VPS13B: variants seen among roughly 807,000 people sequenced by gnomAD.
VPS13B encodes the protein intermembrane lipid transfer protein VPS13B.
Under a neutral mutation model 426.4 loss-of-function variants are expected in VPS13B, and 285 were observed. The observed-to-expected ratio is 0.67, with a 90% CI of 0.61 to 0.74. The LOEUF (loss-of-function observed/expected upper bound fraction) is 0.74. Ranked by LOEUF, VPS13B falls within the 30% of genes least tolerant of loss-of-function variation. The pLI is 0.00. For missense variants in VPS13B, 4,537 were observed against 4,782.6 expected (o/e 0.95, Z 1.51); for synonymous variants, 1,676 against 1,676.4 (o/e 1.00, Z 0.01).
intron 3 of VPS13B, among the ~76,000 whole-genome samples, chr8:99,054,126 A>G (rs544316513): frequency 1.4e-4 from 22 of 152,384 alleles, no homozygotes; most frequent in Middle Eastern, 3.4e-3. Flanking sequence ...GTATAATGCT[A>G]CAATGAACAT....
intron 33 of VPS13B, among the ~76,000 whole-genome samples, chr8:99,586,910 G>A (rs1177409799): frequency 6.6e-6 from 1 of 152,152 alleles, no homozygotes; most frequent in African/African-American, 2.4e-5. Flanking sequence ...CATGTGCCGT[G>A]TTGGTTTGCT....
intron 33 of VPS13B, among the ~76,000 whole-genome samples, chr8:99,625,013 C>T (rs747936283): frequency 2.6e-5 from 4 of 151,806 alleles, no homozygotes; most frequent in African/African-American, 4.8e-5. Flanking sequence ...TTAGTAGAGA[C>T]GGAGTTTCTC....
intron 24 of VPS13B, 66 bp from the exon 25 acceptor site, chr8:99,481,533 T>C: frequency 6.7e-7 from 1 of 1,502,256 alleles, no homozygotes; most frequent in South Asian, 1.1e-5. Flanking sequence ...CTCATATTAT[T>C]ATTTTAGTGG....
chr8:99,450,728 T>A (rs1818153812), intron 23 of VPS13B, among the ~76,000 whole-genome samples: 1 of 151,964 alleles, frequency 6.6e-6, no homozygotes, highest in Non-Finnish European at 1.5e-5. Flanking sequence ...AAAAAAAAAT[T>A]TTTTTCTTTA....
At chr8:99,343,067 A>G (rs1235077285) in intron 19 of VPS13B, among the ~76,000 whole-genome samples, 1 of 151,064 alleles carries the variant, frequency 6.6e-6, no homozygotes, top group African/African-American at 2.4e-5. Context: ...ACAAATGGCA[A>G]ATGTTCAGGT....
chr8:99,047,604 G>A (rs963809512), intron 3 of VPS13B, among the ~76,000 whole-genome samples: 3 of 152,024 alleles, frequency 2.0e-5, no homozygotes, highest in African/African-American at 7.2e-5. Context: ...CTAGCTCCTT[G>A]AGGTGTGACT....
chr8:99,481,641 T>C lies in VPS13B; in HGVS notation c.3709T>C (p.Trp1237Arg), dbSNP rs1280368026. ...YELTDIMNKV[W>R]NKIQKRGNLN... ...ACTAACTGATATCATGAATAAGGTC[T>C]GGAACAAGATTCAGAAGAGAGGCAA... The change falls in exon 25 of 62, where the codon TGG becomes CGG. Residue 1237 changes from tryptophan (W) to arginine (R), a missense_variant. Around this residue, in one of 2 missense-constraint regions of VPS13B, gnomAD observed 4,311 missense variants for 4,474.3 expected, o/e 0.96. Transcript: ENST00000357162. The C allele has an allele frequency of 1.2e-6, 2 of 1,613,962 alleles. No homozygotes were observed. The highest frequency in any genetic ancestry group is 1.7e-5 in the Admixed American group (1 of 60,006).
chr8:99,655,696 C>G (rs1437115063), intron 34 of VPS13B, among the ~76,000 whole-genome samples: 1 of 152,154 alleles, frequency 6.6e-6, no homozygotes, highest in Non-Finnish European at 1.5e-5. Context: ...GTACTGTCTC[C>G]TCCCTGCTTT....
At chr8:99,393,501 A>G (rs1814560642) in intron 21 of VPS13B, among the ~76,000 whole-genome samples, 1 of 152,162 alleles carries the variant, frequency 6.6e-6, no homozygotes, top group Admixed American at 6.6e-5. Context: ...AGAATTAAGG[A>G]TAATTGCATT....
intron 35 of VPS13B, among the ~76,000 whole-genome samples, chr8:99,672,672 A>G (rs1211844174): frequency 6.6e-6 from 1 of 152,034 alleles, no homozygotes; most frequent in Non-Finnish European, 1.5e-5. Flanking sequence ...AGGATTTCCA[A>G]TACTATGTGG....
intron 51 of VPS13B, 111 bp from the exon 52 acceptor site, chr8:99,832,258 T>TC: frequency 7.6e-7 from 1 of 1,322,906 alleles, no homozygotes; most frequent in Non-Finnish European, 9.8e-7. Context: ...TGAGACTGTC[T>TC]CAAAAAAAAA....
intron 35 of VPS13B, among the ~76,000 whole-genome samples, chr8:99,670,918 A>C (rs1217212501): frequency 6.6e-6 from 1 of 152,136 alleles, no homozygotes; most frequent in Non-Finnish European, 1.5e-5. Context: ...CATCTTGACT[A>C]TTATGAATTG....
At chr8:99,181,218 G>A (rs957666103) in intron 16 of VPS13B, among the ~76,000 whole-genome samples, 1 of 152,164 alleles carries the variant, frequency 6.6e-6, no homozygotes, top group African/African-American at 2.4e-5. Context: ...TTTTGTTGTA[G>A]TATATGTTTA....
chr8:99,717,825 A>G (rs1213836274), intron 37 of VPS13B, among the ~76,000 whole-genome samples: 1 of 152,210 alleles, frequency 6.6e-6, no homozygotes, highest in Non-Finnish European at 1.5e-5. Context: ...CATGTTTTCA[A>G]GGTTCATCCA....
At chr8:99,036,776 G>T (rs934524372) in intron 2 of VPS13B, among the ~76,000 whole-genome samples, 28 of 152,104 alleles carry the variant, frequency 1.8e-4, no homozygotes, top group Admixed American at 6.5e-5. Flanking sequence ...GTTACACAAG[G>T]CGTAGGGTGG....
intron 3 of VPS13B, among the ~76,000 whole-genome samples, chr8:99,089,632 A>C (rs1846036397): frequency 6.6e-6 from 1 of 152,184 alleles, no homozygotes; most frequent in Admixed American, 6.5e-5. Flanking sequence ...GTCTGAGTTC[A>C]GATAAGGGAT....
chr8:99,275,721 T>C (rs1039173970), intron 19 of VPS13B, among the ~76,000 whole-genome samples: 2 of 152,174 alleles, frequency 1.3e-5, no homozygotes, highest in Admixed American at 6.5e-5. Flanking sequence ...TTTTTTCTGG[T>C]AGCACTTTGA....
intron 33 of VPS13B, among the ~76,000 whole-genome samples, chr8:99,625,665 A>T (rs1828580094): frequency 6.6e-6 from 1 of 152,092 alleles, no homozygotes; most frequent in Non-Finnish European, 1.5e-5. Context: ...ACCAGCCTGG[A>T]CAACATAATG....
intron 19 of VPS13B, among the ~76,000 whole-genome samples, chr8:99,276,467 A>G (rs944653368): frequency 1.2e-4 from 18 of 152,182 alleles, no homozygotes; most frequent in Admixed American, 7.9e-4. Flanking sequence ...GGATTGGTAA[A>G]TACTTTCTTA....
Sources: allele counts gnomAD v4.1 joint callset (sites outside exome capture counted in the v4.1 genomes callset), GRCh38; gene constraint gnomAD v4.1.1; regional missense constraint gnomAD v4.1.1; transcripts MANE v1.5; gene names NCBI Gene and HGNC (gene_info 2026-07-23, HGNC 2026-07-21).